SLC25A44: variants seen among roughly 807,000 people sequenced by gnomAD.
SLC25A44 encodes solute carrier family 25 member 44.
Under a neutral mutation model 29.9 loss-of-function variants are expected in SLC25A44, and 17 were observed. The observed-to-expected ratio is 0.57, with a 90% confidence interval of 0.39 to 0.85. The LOEUF is 0.85. Ranked by LOEUF, SLC25A44 falls within the 40% of genes least tolerant of loss-of-function variation. The pLI is 0.00. For missense variants in SLC25A44, 302 were observed against 398.4 expected (o/e 0.76, Z 2.06); for synonymous variants, 140 against 151.8 (o/e 0.92, Z 0.57).
intron 1 of SLC25A44, among the ~76,000 whole-genome samples, chr1:156,195,536 C>G (rs1202227544): frequency 6.6e-6 from 1 of 152,174 alleles, no homozygotes; most frequent in African/African-American, 2.4e-5. Flanking sequence ...GCGGCAGTAC[C>G]GGGAGCCGAG....
At chr1:156,199,702 G>A in intron 1 of SLC25A44, 133 bp from the exon 2 acceptor site, 1 of 683,892 alleles carries the variant, frequency 1.5e-6, no homozygotes, top group Middle Eastern at 4.1e-4. Context: ...CAGATTGGGT[G>A]GAGTCCAAGC....
intron 1 of SLC25A44, among the ~76,000 whole-genome samples, chr1:156,195,319 G>C (rs139096378): frequency 0.04 from 6,120 of 152,126 alleles, 427 homozygotes; most frequent in African/African-American, 0.14. Flanking sequence ...TAGCCAGGAT[G>C]GTCTCGATCT....
rs960807925 is a variant in SLC25A44 at position 156,203,639 on chromosome 1, A to T, written c.625+3167A>T. Among the ~76,000 whole-genome samples the T allele has an allele frequency of 2.6e-5, 4 of 151,998 alleles. 1 individual carries two copies. Among genetic ancestry groups the T allele is most frequent in the African/African-American group, 9.7e-5 (4 of 41,378 alleles). On this transcript the variant is annotated intron_variant, in intron 2 of 3. Transcript: ENST00000359511. ...AATGTTTCTTGAATGACTAATGGAG[A>T]AAAATGAAAGATGTGGAGTCCCTCC...
chr1:156,209,132 A>G (rs1183113072), intron 3 of SLC25A44, among the ~76,000 whole-genome samples: 1 of 152,220 alleles, frequency 6.6e-6, no homozygotes, highest in Non-Finnish European at 1.5e-5. Flanking sequence ...ATGCCCCCTC[A>G]TTTGAAAATG....
rs1176613027 is a variant in SLC25A44 at position 156,212,384 on chromosome 1, C to T, written c.*1953C>T. On this transcript the variant is annotated 3_prime_UTR_variant, in exon 4 of 4. Transcript: ENST00000359511. ...CTTAGTGTTTCTCCCTCAAGACTTT[C>T]CTTCTGTTTTGTTGTCTTGTGCAGT... 1.3e-5 allele frequency: 2 copies of T among 152,382 alleles called. No homozygotes were observed. Among genetic ancestry groups the T allele is most frequent in the Admixed American group, 6.5e-5 (1 of 15,284 alleles). 9.4% of individuals were successfully genotyped at this position (152,382 alleles called of 1,614,324 possible).
Position 156,207,982 on chromosome 1 carries a change from A to T in SLC25A44, c.722A>T (p.Asn241Ile), listed in dbSNP as rs750057496. 1 of 1,614,024 alleles carries T rather than the reference A, an allele frequency of 6.2e-7. No homozygotes were observed. Among genetic ancestry groups the T allele is most frequent in the South Asian group, 1.1e-5 (1 of 91,072 alleles). Residue 241 changes from asparagine (N) to isoleucine (I), a missense_variant, in exon 3 of 4, where the codon AAT becomes ATT. By Grantham distance (149) the Asn-to-Ile change is moderately radical. Coordinates refer to ENST00000359511, the MANE Select transcript of SLC25A44 (RefSeq NM_014655.4). ...GCAGCCACTGCCTCCATCCTCACCA[A>T]TCCCATGGATGTCATACGAACCCGT... ...LAAATASILTNPMDVIRTRVQ... is the reference protein window; with the variant it reads ...LAAATASILTIPMDVIRTRVQ...
In SLC25A44 at chr1:156,210,578, T is replaced by G. The variant is rs1228697313; in HGVS notation, c.*147T>G. 1.0e-5 allele frequency: 5 copies of G among 480,164 alleles called. No individual in the cohort carries two copies. The highest frequency in any genetic ancestry group is 1.8e-5 in the Non-Finnish European group (5 of 272,632). The allele number at this position is 480,164 out of a possible 1,614,324, so 29.7% of individuals were successfully genotyped here. ...GCCTATCTGGGATAGGGATAGAGAC[T>G]TTGAACTGCTCTTGCTGAAGAGGCT... On this transcript the variant is annotated 3_prime_UTR_variant, in exon 4 of 4. Transcript: ENST00000359511.
chr1:156,211,056 T>TTG lies in SLC25A44; in HGVS notation c.*669_*670dup, dbSNP rs58631766. ...TGGGAGAAATGTTGATACTTTTGTT[T>TTG]TGTGTGTGTGTGTGTGTGTGTGTGT... On this transcript the variant is annotated 3_prime_UTR_variant, in exon 4 of 4. Transcript: ENST00000359511. 43,126 of 138,696 alleles carry TTG rather than the reference T, an allele frequency of 0.31. 6,526 individuals are homozygous for TTG. Among genetic ancestry groups the TTG allele is most frequent in the Admixed American group, 0.36 (4,888 of 13,600 alleles). 8.6% of individuals were successfully genotyped at this position (138,696 alleles called of 1,614,324 possible). A position where few individuals can be genotyped will look rare whatever the true frequency, so the allele number is the denominator to read the frequency against.
At position 156,199,964 on chromosome 1, in the gene SLC25A44, C is replaced by T. The variant is rs2103036042; in HGVS notation, c.117C>T (p.Thr39=). 6 of 1,614,186 alleles carry T rather than the reference C, an allele frequency of 3.7e-6. No homozygotes were observed. In the East Asian group the frequency reaches 8.9e-5, roughly 24 times the overall value. ...TCCGTGTCAGTGTCTACCCATTCAC[C>T]CTCATCCGCACCCGGTTGCAAGTTC... The part of the protein sequence containing the change: ...MMIRVSVYPF[T]LIRTRLQVQK... The change falls in exon 2 of 4, where the codon ACC becomes ACT. Residue 39 remains threonine, a synonymous_variant. Coordinates refer to ENST00000359511, the MANE Select transcript of SLC25A44 (RefSeq NM_014655.4).
rs1572466323 is a variant in SLC25A44, at chr1:156,210,241, T to C, written c.755T>C (p.Val252Ala). 2 of 1,540,514 alleles carry C rather than the reference T, an allele frequency of 1.3e-6. No homozygotes were observed. Among genetic ancestry groups the C allele is most frequent in the African/African-American group, 1.4e-5 (1 of 72,322 alleles). ...CCTCCACTGTGTTGACTTTTCCAGGTTGAGGGCAAGAACTCCATCATCCTG... is the reference window on the plus strand; with the variant it reads ...CCTCCACTGTGTTGACTTTTCCAGGCTGAGGGCAAGAACTCCATCATCCTG... The part of the protein sequence containing the change: ...PMDVIRTRVQ[V>A]EGKNSIILTF... Residue 252 changes from valine (V) to alanine (A), a missense_variant and splice_region_variant, in exon 4 of 4, where the codon GTT becomes GCT. Val to Ala is a moderately conservative substitution (Grantham distance 64, BLOSUM62 0). Transcript: ENST00000359511.
chr1:156,202,911 G>T (rs1048748918), intron 2 of SLC25A44, among the ~76,000 whole-genome samples: 1 of 152,190 alleles, frequency 6.6e-6, no homozygotes, highest in Non-Finnish European at 1.5e-5. Context: ...GTTCACTATT[G>T]TACCTCCCAA....
intron 1 of SLC25A44, 33 bp from the exon 2 acceptor site, chr1:156,199,799 CCTT>C (rs1428746834): frequency 1.5e-5 from 24 of 1,563,534 alleles, no homozygotes; most frequent in African/African-American, 9.5e-5. Flanking sequence ...GCTCCACCCT[CCTT>C]CTTCACATCC....
intron 2 of SLC25A44, among the ~76,000 whole-genome samples, chr1:156,205,492 C>A (rs1051861844): frequency 2.6e-5 from 4 of 152,138 alleles, no homozygotes; most frequent in African/African-American, 9.7e-5. Flanking sequence ...TTGCTGTATG[C>A]TTGTCCTCAG....
At chr1:156,200,814 T>C (rs967297593) in intron 2 of SLC25A44, among the ~76,000 whole-genome samples, 3 of 149,480 alleles carry the variant, frequency 2.0e-5, no homozygotes, top group Non-Finnish European at 3.0e-5. Flanking sequence ...GCTTTTGACT[T>C]GGATGTTTTC....
chr1:156,210,215 C>A (rs1657206167), intron 3 of SLC25A44, 25 bp from the exon 4 acceptor site: 2 of 1,490,896 alleles, frequency 1.3e-6, no homozygotes, highest in Non-Finnish European at 9.0e-7. Flanking sequence ...CAGACAATGG[C>A]CCTCCACTGT....
At chr1:156,200,816 G>C (rs1219078758) in intron 2 of SLC25A44, among the ~76,000 whole-genome samples, 1 of 149,744 alleles carries the variant, frequency 6.7e-6, no homozygotes, top group Admixed American at 6.7e-5. Context: ...TTTTGACTTG[G>C]ATGTTTTCCT....
rs1476310263 is a variant in SLC25A44, at chr1:156,199,826, A to G, written c.-13-9A>G. 1.9e-6 allele frequency: 3 copies of G among 1,604,926 alleles called. No individual in the cohort carries two copies. The highest frequency in any genetic ancestry group is 1.7e-4 in the Middle Eastern group (1 of 6,010). ...TTCTTCACATCCCTCCATACTGCTCAAATCCCAGGTCTTCAGGCACCATGG... is the reference window on the plus strand; with the variant it reads ...TTCTTCACATCCCTCCATACTGCTCGAATCCCAGGTCTTCAGGCACCATGG... On this transcript the variant is annotated splice_polypyrimidine_tract_variant and intron_variant, in intron 1 of 3. Transcript: ENST00000359511.
rs1183029060 is a variant in SLC25A44 at position 156,199,999 on chromosome 1, A to G, written c.152A>G (p.Lys51Arg). 2 of 1,614,162 alleles carry G rather than the reference A, an allele frequency of 1.2e-6. No individual in the cohort carries two copies. The highest frequency in any genetic ancestry group is 1.7e-6 in the Non-Finnish European group (2 of 1,180,000). ...IRTRLQVQKG[K>R]SLYHGTFDAF... ...ACCCGGTTGCAAGTTCAGAAGGGGA[A>G]GAGCCTCTACCATGGGACCTTCGAT... Residue 51 changes from lysine (K) to arginine (R), a missense_variant, in exon 2 of 4, where the codon AAG becomes AGG. Transcript: ENST00000359511.
rs1163606069 is a variant in SLC25A44, at chr1:156,200,315, G to C, written c.468G>C (p.Glu156Asp). Reference sequence around the variant, plus strand: ...GCTTTCAGGTGCGGGGGAACCCAGAGGGACAAGGGGTAGTTGCCTTTGGCC... The same window carrying C: ...GCTTTCAGGTGCGGGGGAACCCAGACGGACAAGGGGTAGTTGCCTTTGGCC... ...MGRFQVRGNP[E>D]GQGVVAFGQT... The change falls in exon 2 of 4, where the codon GAG (glutamate) becomes GAC (aspartate). Residue 156 changes from glutamate (E) to aspartate (D), a missense_variant. By Grantham distance (45) the Glu-to-Asp change is conservative (BLOSUM62 2). Coordinates refer to ENST00000359511, the MANE Select transcript of SLC25A44 (RefSeq NM_014655.4). The C allele has an allele frequency of 6.2e-7, 1 of 1,614,164 alleles. No individual in the cohort carries two copies. Among genetic ancestry groups the C allele is most frequent in the Admixed American group, 1.7e-5 (1 of 60,022 alleles).
Sources: gnomAD v4.1 joint callset for allele counts (sites outside exome capture counted in the v4.1 genomes callset) on GRCh38, gnomAD v4.1.1 for gene constraint, MANE v1.5 for transcripts, NCBI Gene and HGNC (gene_info 2026-07-23, HGNC 2026-07-21) for gene names.